The following RCSD1 variants were observed in gnomAD, a reference collection of about 807,000 sequenced individuals.
The protein encoded by RCSD1 is RCSD domain containing 1.
In RCSD1, 26 loss-of-function variants were observed where a neutral mutation model predicts 42.5. The observed-to-expected ratio is 0.61, with a 90% confidence interval of 0.45 to 0.85. RCSD1 has a LOEUF of 0.85. RCSD1 is among the 40% of genes least tolerant of loss of function. The pLI is 0.00. For missense variants in RCSD1, 571 were observed against 528.3 expected (o/e 1.08, Z -0.79); for synonymous variants, 220 against 212.2 (o/e 1.04, Z -0.32).
chr1:167,668,151 G>C (rs1658703799), intron 1 of RCSD1, among the ~76,000 whole-genome samples: 1 of 152,062 alleles, frequency 6.6e-6, no homozygotes, highest in Non-Finnish European at 1.5e-5. Context: ...AATTAGCTGA[G>C]TGTGGCACCT....
At chr1:167,693,766 C>T (rs1659431968) in intron 4 of RCSD1, among the ~76,000 whole-genome samples, 1 of 152,136 alleles carries the variant, frequency 6.6e-6, no homozygotes, top group African/African-American at 2.4e-5. Context: ...CCTGTGAGAT[C>T]CTGGTGCCAC....
intron 1 of RCSD1, among the ~76,000 whole-genome samples, chr1:167,633,276 T>C (rs1168523329): frequency 6.6e-6 from 1 of 152,230 alleles, no homozygotes; most frequent in Non-Finnish European, 1.5e-5. Context: ...GTCACATATA[T>C]AATCTTCAAA....
intron 1 of RCSD1, among the ~76,000 whole-genome samples, chr1:167,682,982 A>T (rs2102230828): frequency 6.6e-6 from 1 of 152,302 alleles, no homozygotes; most frequent in African/African-American, 2.4e-5. Context: ...GCCTCCTGTA[A>T]CAAGGCAGAA....
At chr1:167,678,005 G>C (rs1658991044) in intron 1 of RCSD1, among the ~76,000 whole-genome samples, 1 of 152,172 alleles carries the variant, frequency 6.6e-6, no homozygotes, top group Non-Finnish European at 1.5e-5. Flanking sequence ...TGCAGTCTGA[G>C]GTTTATTTTC....
chr1:167,647,420 C>T (rs538094853), intron 1 of RCSD1, among the ~76,000 whole-genome samples: 1 of 139,984 alleles, frequency 7.1e-6, no homozygotes, highest in Non-Finnish European at 1.6e-5. Flanking sequence ...GAGACCCCAT[C>T]GCTACAAAAA....
At chr1:167,678,444 C>T (rs924889573) in intron 1 of RCSD1, among the ~76,000 whole-genome samples, 5 of 151,832 alleles carry the variant, frequency 3.3e-5, no homozygotes, top group African/African-American at 7.3e-5. Flanking sequence ...CCATGCATCC[C>T]GTTATCCAAG....
intron 1 of RCSD1, among the ~76,000 whole-genome samples, chr1:167,668,450 T>A (rs929015657): frequency 6.6e-6 from 1 of 152,156 alleles, no homozygotes; most frequent in Non-Finnish European, 1.5e-5. Flanking sequence ...CCTCACACTT[T>A]GCCTGGATCA....
intron 1 of RCSD1, among the ~76,000 whole-genome samples, chr1:167,669,551 A>G (rs1658752045): frequency 6.6e-6 from 1 of 152,236 alleles, no homozygotes; most frequent in Non-Finnish European, 1.5e-5. Context: ...TACATGGAGT[A>G]CTAGGCAAAG....
At position 167,697,906 on chromosome 1, in the gene RCSD1, A is replaced by G. The variant is rs1288914629; in HGVS notation, c.1218+64A>G. On this transcript the variant is annotated intron_variant, in intron 6 of 6. Transcript: ENST00000367854. ...CAGGGCCAGTGTGTGCCTCTGTCAC[A>G]TGTCCTGTTCCGTACAGTCCCTTCA... 10 of 1,436,140 alleles carry G rather than the reference A, an allele frequency of 7.0e-6. No individual in the cohort carries two copies. In the East Asian group the frequency reaches 2.0e-4, roughly 29 times the overall value. 89.0% of individuals were successfully genotyped at this position (1,436,140 alleles called of 1,614,324 possible).
chr1:167,700,604 TC>T (rs1173171234), intron 6 of RCSD1, among the ~76,000 whole-genome samples: 1 of 148,988 alleles, frequency 6.7e-6, no homozygotes, highest in Non-Finnish European at 1.5e-5. Context: ...TGAGCGGAAA[TC>T]GCGCCACTGC....
At chr1:167,655,641 CTCTT>C (rs1658408016) in intron 1 of RCSD1, among the ~76,000 whole-genome samples, 1 of 152,152 alleles carries the variant, frequency 6.6e-6, no homozygotes, top group South Asian at 2.1e-4. Flanking sequence ...GCAGGGCTCT[CTCTT>C]AATACCAGCT....
chr1:167,701,251 A>AGTTT (rs750347257), intron 6 of RCSD1, among the ~76,000 whole-genome samples: 1,693 of 116,852 alleles, frequency 0.014, 17 homozygotes, highest in Middle Eastern at 0.033. Context: ...CCAATTGCCT[A>AGTTT]GTTTCTTTCT....
chr1:167,639,832 C>G (rs557278544), intron 1 of RCSD1, among the ~76,000 whole-genome samples: 22 of 152,328 alleles, frequency 1.4e-4, no homozygotes, highest in African/African-American at 5.1e-4. Flanking sequence ...AGACCCAGAG[C>G]TGAGGCTAGG....
chr1:167,692,138 T>C (rs1252088097), intron 4 of RCSD1, among the ~76,000 whole-genome samples: 2 of 152,196 alleles, frequency 1.3e-5, no homozygotes, highest in East Asian at 1.9e-4. Flanking sequence ...CTCATTAAGA[T>C]TGTCAGCAAT....
In RCSD1 at chr1:167,697,122, A is replaced by G. The variant is rs1408385417; in HGVS notation, c.498A>G (p.Lys166=). ...YNKVRTRGSI[K]RRPPSRRFRR... is the part of the protein sequence containing the mutation. ...AGGTGCGGACGAGGGGCTCAATAAAAAGGCGCCCTCCCTCCAGGCGATTCC... is the reference window on the plus strand; with the variant it reads ...AGGTGCGGACGAGGGGCTCAATAAAGAGGCGCCCTCCCTCCAGGCGATTCC... The change falls in exon 6 of 7, where the codon AAA becomes AAG. Residue 166 remains lysine, a synonymous_variant. Coordinates refer to ENST00000367854, the MANE Select transcript of RCSD1 (RefSeq NM_052862.4). 28 of 1,613,184 alleles carry G rather than the reference A, an allele frequency of 1.7e-5. No individual in the cohort carries two copies. The highest frequency in any genetic ancestry group is 2.7e-5 in the African/African-American group (2 of 74,968).
intron 4 of RCSD1, among the ~76,000 whole-genome samples, chr1:167,692,446 T>C (rs1659396959): frequency 6.6e-6 from 1 of 152,140 alleles, no homozygotes; most frequent in African/African-American, 2.4e-5. Context: ...CTCTCAGCCA[T>C]GCCAGCATAT....
intron 6 of RCSD1, among the ~76,000 whole-genome samples, chr1:167,699,684 A>G (rs1015141597): frequency 1.3e-5 from 2 of 152,202 alleles, no homozygotes; most frequent in African/African-American, 4.8e-5. Context: ...CACAGGTACT[A>G]TGGGTTTGGA....
In RCSD1 at chr1:167,708,054, A is replaced by T. The variant is rs945876; in HGVS notation, c.*3358A>T. Among the ~76,000 whole-genome samples, 4 of 152,274 alleles carry T rather than the reference A, an allele frequency of 2.6e-5. No individual in the cohort carries two copies. Among genetic ancestry groups the T allele is most frequent in the African/African-American group, 9.6e-5 (4 of 41,548 alleles). Reference sequence around the variant, plus strand: ...ACCCAGTGAAAGGGCTTATTCTTTCACCATTACTGTGGGGAAAAAGTCCTG... The same window carrying T: ...ACCCAGTGAAAGGGCTTATTCTTTCTCCATTACTGTGGGGAAAAAGTCCTG... On this transcript the variant is annotated 3_prime_UTR_variant, in exon 7 of 7. Coordinates refer to ENST00000367854, the MANE Select transcript of RCSD1 (RefSeq NM_052862.4).
Position 167,630,238 on chromosome 1 carries a change from C to A in RCSD1, c.-186C>A, listed in dbSNP as rs1657659218. The A allele has an allele frequency of 1.4e-5, 3 of 214,766 alleles. No individual in the cohort carries two copies. Among genetic ancestry groups the A allele is most frequent in the East Asian group, 1.2e-4 (1 of 8,074 alleles). The allele number at this position is 214,766 out of a possible 1,614,324, so 13.3% of individuals were successfully genotyped here. A position where few individuals can be genotyped will look rare whatever the true frequency, so the allele number is the denominator to read the frequency against. ...CTCCTCCTCCTTCCTCGTTCTCTCG[C>A]GCAGGGCCCCCGCGGCCGGGGCAGT... is the stretch of plus-strand genomic sequence containing the variant. On this transcript the variant is annotated 5_prime_UTR_variant, in exon 1 of 7. Coordinates refer to ENST00000367854, the MANE Select transcript of RCSD1 (RefSeq NM_052862.4).
Sources: gnomAD v4.1 joint callset for allele counts (sites outside exome capture counted in the v4.1 genomes callset) on GRCh38, gnomAD v4.1.1 for gene constraint, MANE v1.5 for transcripts, NCBI Gene and HGNC (gene_info 2026-07-23, HGNC 2026-07-21) for gene names.